PPM1K: variants seen among roughly 807,000 people sequenced by gnomAD.
PPM1K encodes the protein protein phosphatase Mn(2+)-dependent 1K.
Under a neutral mutation model 32.6 loss-of-function variants are expected in PPM1K, and 19 were observed. That is an observed-to-expected ratio of 0.58 (90% CI 0.41 to 0.86). The LOEUF (loss-of-function observed/expected upper bound fraction) is 0.86. Ranked by LOEUF, PPM1K falls within the 40% of genes least tolerant of loss-of-function variation. PPM1K has a pLI of 0.00. For missense variants in PPM1K, 362 were observed against 461.2 expected (o/e 0.78, Z 1.97); for synonymous variants, 159 against 165.3 (o/e 0.96, Z 0.29).
chr4:88,281,344 G>A (rs957958061), intron 1 of PPM1K, among the ~76,000 whole-genome samples: 5 of 151,960 alleles, frequency 3.3e-5, no homozygotes, highest in East Asian at 1.9e-4. Context: ...TATTCTTGCC[G>A]TTTTATCTCC....
intron 3 of PPM1K, among the ~76,000 whole-genome samples, chr4:88,273,419 G>A (rs1032545672): frequency 3.3e-5 from 5 of 152,208 alleles, no homozygotes; most frequent in Admixed American, 6.5e-5. Flanking sequence ...AATGGCTCAC[G>A]CCTGTAATCC....
chr4:88,273,354 C>T (rs768989699), intron 3 of PPM1K, among the ~76,000 whole-genome samples: 1 of 152,192 alleles, frequency 6.6e-6, no homozygotes, highest in African/African-American at 2.4e-5. Context: ...TGGAAGCTTG[C>T]ACAGGTGAAT....
chr4:88,275,607 T>C (rs995355042), intron 3 of PPM1K: 7 of 985,306 alleles, frequency 7.1e-6, no homozygotes, highest in African/African-American at 1.7e-5. Context: ...TTGGACATTC[T>C]CATCCAAAAA....
intron 5 of PPM1K, 44 bp from the exon 6 acceptor site, chr4:88,265,179 C>T: frequency 6.2e-7 from 1 of 1,609,392 alleles, no homozygotes; most frequent in African/African-American, 1.3e-5. Context: ...CTAGACTCTG[C>T]CTTAGCACAA....
At chr4:88,282,187 T>G (rs1047864500) in intron 1 of PPM1K, among the ~76,000 whole-genome samples, 20 of 152,192 alleles carry the variant, frequency 1.3e-4, no homozygotes, top group African/African-American at 4.6e-4. Flanking sequence ...TATAAACCAT[T>G]TTAACATTAT....
At chr4:88,268,145 T>A (rs781619428) in intron 5 of PPM1K, 45 bp downstream of exon 5, 1 of 1,596,946 alleles carries the variant, frequency 6.3e-7, no homozygotes, top group African/African-American at 1.3e-5. Context: ...CAATCCTACA[T>A]TCACTCTCCG....
At chr4:88,262,871 C>T (rs561546904) in intron 6 of PPM1K, 145 bp from the exon 7 acceptor site, 2 of 797,572 alleles carry the variant, frequency 2.5e-6, no homozygotes, top group Non-Finnish European at 3.7e-6. Context: ...ACTTATTTCA[C>T]AATGGTTTGT....
rs1245721874 is a variant in PPM1K at position 88,268,665 on chromosome 4, A to G, written c.707+76T>C. The G allele has an allele frequency of 7.9e-6, 11 of 1,383,922 alleles. No homozygotes were observed. The East Asian group carries it at 2.5e-4, about 32-fold the overall frequency. The allele number at this position is 1,383,922 out of a possible 1,614,324, so 85.7% of individuals were successfully genotyped here. A position where few individuals can be genotyped will look rare whatever the true frequency, so the allele number is the denominator to read the frequency against. On this transcript the variant is annotated intron_variant, in intron 4 of 6. Coordinates refer to ENST00000608933, the MANE Select transcript of PPM1K (RefSeq NM_152542.5). ...CAAGTCACTGTTAAACTTAACCATG[A>G]CATCAGTTTAAAAACTATTATGAAC...
At chr4:88,267,220 CTGAT>C (rs1326788415) in intron 5 of PPM1K, among the ~76,000 whole-genome samples, 6 of 141,798 alleles carry the variant, frequency 4.2e-5, no homozygotes, top group Non-Finnish European at 7.5e-5. Context: ...GTGATGCTGG[CTGAT>C]TGGGTGCAGA....
rs1320681508 is a variant in PPM1K, at chr4:88,262,294, G to A, written c.*301C>T. The A allele has an allele frequency of 5.2e-6, 1 of 191,428 alleles. No individual in the cohort carries two copies. The highest frequency in any genetic ancestry group is 1.1e-5 in the Non-Finnish European group (1 of 94,378). 11.9% of individuals were successfully genotyped at this position (191,428 alleles called of 1,614,324 possible). A position where few individuals can be genotyped will look rare whatever the true frequency, so the allele number is the denominator to read the frequency against. ...AAATGATCAAAAGAAACCCATAGCT[G>A]CCTAAGAGTCTTAAAAATTATTAAT... On this transcript the variant is annotated 3_prime_UTR_variant, in exon 7 of 7. Coordinates refer to ENST00000608933, the MANE Select transcript of PPM1K (RefSeq NM_152542.5).
In PPM1K at chr4:88,278,612, G is replaced by A. The variant is rs780485091; in HGVS notation, c.-29C>T. On this transcript the variant is annotated 5_prime_UTR_variant, in exon 2 of 7. Coordinates refer to ENST00000608933, the MANE Select transcript of PPM1K (RefSeq NM_152542.5). The surrounding 1 kb of genome is among the most constrained non-coding windows in gnomAD (Gnocchi z 4.2). ...TCAGCTCCAAAGGACTCAGTGATGAGGGAAAGGTCAATGGAACAATAATGG... is the reference window on the plus strand; with the variant it reads ...TCAGCTCCAAAGGACTCAGTGATGAAGGAAAGGTCAATGGAACAATAATGG... 5 of 1,549,044 alleles carry A rather than the reference G, an allele frequency of 3.2e-6. No homozygotes were observed. The highest frequency in any genetic ancestry group is 1.2e-5 in the South Asian group (1 of 82,152).
intron 3 of PPM1K, among the ~76,000 whole-genome samples, chr4:88,270,142 GC>G (rs1425706331): frequency 6.6e-6 from 1 of 152,018 alleles, no homozygotes; most frequent in African/African-American, 2.4e-5. Context: ...ATCTTTCCAA[GC>G]TTTTTTTTTC....
At chr4:88,281,466 G>A (rs1732001501) in intron 1 of PPM1K, among the ~76,000 whole-genome samples, 1 of 152,064 alleles carries the variant, frequency 6.6e-6, no homozygotes, top group Non-Finnish European at 1.5e-5. Context: ...TGCAAATTGA[G>A]CAGTTTCTGT....
intron 5 of PPM1K, among the ~76,000 whole-genome samples, chr4:88,267,770 T>C (rs1017016686): frequency 2.0e-5 from 3 of 152,228 alleles, no homozygotes; most frequent in African/African-American, 7.2e-5. Flanking sequence ...TTCTCTTCTT[T>C]ATCTTGTCAC....
chr4:88,262,741 AG>A lies in PPM1K; in HGVS notation c.988-16del, dbSNP rs763397269. ...TACTGTATTGCCTGCAAGGTTTGGC[AG>A]GAAGAAAGAGAAAAACATTGGAAAT... On this transcript the variant is annotated splice_polypyrimidine_tract_variant and intron_variant, in intron 6 of 6. Transcript: ENST00000608933. 56 of 1,587,242 alleles carry A rather than the reference AG, an allele frequency of 3.5e-5. No individual in the cohort carries two copies. Among genetic ancestry groups the A allele is most frequent in the Non-Finnish European group, 3.4e-6 (4 of 1,170,106 alleles).
At chr4:88,280,870 C>T (rs1007053958) in intron 1 of PPM1K, among the ~76,000 whole-genome samples, 6 of 151,762 alleles carry the variant, frequency 4.0e-5, no homozygotes, top group African/African-American at 1.2e-4. Context: ...AGAGAGAGAG[C>T]GAGAGAGAGA....
Position 88,268,891 on chromosome 4 carries a change from G to A in PPM1K, c.557C>T (p.Ser186Phe). 6.2e-7 allele frequency: 1 copy of A among 1,607,800 alleles called. No homozygotes were observed. ...TAGGGCTACTGTTGCAGTAGTCCCA[G>A]AGGTCAGAAGAGTTGCTACAAGTAT... ...RLSADATLLT[S>F]GTTATVALLR... Residue 186 changes from serine to phenylalanine, a missense_variant, in exon 4 of 7, where the codon TCT becomes TTT. Coordinates refer to ENST00000608933, the MANE Select transcript of PPM1K (RefSeq NM_152542.5).
At chr4:88,266,432 T>C (rs1344368022) in intron 5 of PPM1K, among the ~76,000 whole-genome samples, 2 of 151,856 alleles carry the variant, frequency 1.3e-5, no homozygotes, top group Non-Finnish European at 2.9e-5. Flanking sequence ...CAGGTGATGC[T>C]GGCTGGGTGC....
intron 1 of PPM1K, chr4:88,279,145 T>G (rs947809875): frequency 6.6e-6 from 1 of 152,364 alleles, no homozygotes; most frequent in Non-Finnish European, 1.5e-5. Flanking sequence ...CTCTATTGCT[T>G]TAAAGAAAAG....
Sources: allele counts gnomAD v4.1 joint callset (sites outside exome capture counted in the v4.1 genomes callset), GRCh38; gene constraint gnomAD v4.1.1; non-coding constraint Gnocchi (gnomAD v3.1); transcripts MANE v1.5; gene names NCBI Gene and HGNC (gene_info 2026-07-23, HGNC 2026-07-21).